Variants in TMEM132C observed in about 807,000 individuals in gnomAD.
The protein encoded by TMEM132C is transmembrane protein 132C, also known as protein phosphatase 1, regulatory subunit 152.
In TMEM132C, 29 loss-of-function variants were observed where a neutral mutation model predicts 61.4. That is an observed-to-expected ratio of 0.47 (90% CI 0.35 to 0.64). The LOEUF is 0.64. TMEM132C is among the 30% of genes least tolerant of loss of function. TMEM132C has a pLI of 0.00. For synonymous variants in TMEM132C, 656 were observed against 633.1 expected (o/e 1.04, Z -0.54); for missense variants, 1,408 against 1,476.9 (o/e 0.95, Z 0.76).
intron 2 of TMEM132C, among the ~76,000 whole-genome samples, chr12:128,496,816 C>G (rs1018153749): frequency 6.6e-6 from 1 of 152,198 alleles, no homozygotes; most frequent in East Asian, 1.9e-4. Flanking sequence ...TTATCTGAAG[C>G]CTTCTTCTCT....
At chr12:128,385,954 T>A (rs968696541) in intron 1 of TMEM132C, among the ~76,000 whole-genome samples, 6 of 152,100 alleles carry the variant, frequency 3.9e-5, no homozygotes, top group Admixed American at 1.3e-4. Context: ...AGGCTACCTC[T>A]TGATCACAGT....
rs1414102453 is a variant in TMEM132C, at chr12:128,474,342, A to G, written c.974+58722A>G. ...CATGCTGGGCCCACCATTTGCAGGA[A>G]GTCTATGTTCCTGGATAGGCAGTAC... On this transcript the variant is annotated intron_variant, in intron 2 of 8. Coordinates refer to ENST00000435159, the MANE Select transcript of TMEM132C (RefSeq NM_001136103.3). Among the ~76,000 whole-genome samples the G allele has an allele frequency of 3.3e-5, 5 of 152,276 alleles. No homozygotes were observed. In the East Asian group the frequency reaches 9.7e-4, roughly 29 times the overall value.
intron 1 of TMEM132C, among the ~76,000 whole-genome samples, chr12:128,338,543 G>A (rs974734612): frequency 2.0e-5 from 3 of 152,202 alleles, no homozygotes; most frequent in Admixed American, 2.0e-4. Flanking sequence ...CGTGTCGCAT[G>A]CCAAGGACAG....
intron 1 of TMEM132C, among the ~76,000 whole-genome samples, chr12:128,279,719 A>G (rs1248798926): frequency 1.3e-5 from 2 of 152,124 alleles, no homozygotes; most frequent in Admixed American, 6.5e-5. Flanking sequence ...GCACCTCCTC[A>G]TGGAAGTCTC....
At chr12:128,553,820 T>A (rs1874248342) in intron 3 of TMEM132C, among the ~76,000 whole-genome samples, 1 of 152,084 alleles carries the variant, frequency 6.6e-6, no homozygotes, top group Non-Finnish European at 1.5e-5. Flanking sequence ...GGGAACAAAG[T>A]CAAAAGCTGG....
chr12:128,469,640 T>C (rs576513495), intron 2 of TMEM132C, among the ~76,000 whole-genome samples: 2 of 146,598 alleles, frequency 1.4e-5, no homozygotes, highest in Admixed American at 1.4e-4. Context: ...GTGTGTGTGT[T>C]TGTGTGTGTG....
intron 1 of TMEM132C, among the ~76,000 whole-genome samples, chr12:128,368,380 C>G (rs893573540): frequency 6.6e-6 from 1 of 152,222 alleles, no homozygotes; most frequent in African/African-American, 2.4e-5. Context: ...TCCAGTCTAG[C>G]TCCGAAAAGG....
In TMEM132C at chr12:128,395,197, AATATAT is replaced by A. The variant is rs1250620709; in HGVS notation, c.86-19533_86-19528del. On this transcript the variant is annotated intron_variant, in intron 1 of 8. Transcript: ENST00000435159. ...CAGAATACTAAATCATATTTAATTA[AATATAT>A]AGTTCATTCATTTTAATATATTAAA... is the stretch of plus-strand genomic sequence containing the variant. Among the ~76,000 whole-genome samples, 14 of 150,336 alleles carry A rather than the reference AATATAT, an allele frequency of 9.3e-5. No individual in the cohort carries two copies. The Middle Eastern group carries it at 0.011, about 115-fold the overall frequency.
intron 2 of TMEM132C, among the ~76,000 whole-genome samples, chr12:128,417,903 G>T (rs968879422): frequency 6.6e-6 from 1 of 152,138 alleles, no homozygotes; most frequent in Admixed American, 6.5e-5. Flanking sequence ...CAGTGTCTTT[G>T]TATAATGACA....
Position 128,568,232 on chromosome 12 carries a change from C to T in TMEM132C, c.1121+24129C>T, listed in dbSNP as rs187048047. On this transcript the variant is annotated intron_variant, in intron 3 of 8. Transcript: ENST00000435159. ...AGTTCTCTCTTACTTACAGACCAAA[C>T]GCTTTTCATGGTGCCCCTTAATGAT... Among the ~76,000 whole-genome samples, 10 of 152,296 alleles carry T rather than the reference C, an allele frequency of 6.6e-5. No homozygotes were observed. The East Asian group carries it at 9.6e-4, about 15-fold the overall frequency.
intron 2 of TMEM132C, among the ~76,000 whole-genome samples, chr12:128,427,456 T>G (rs1869233696): frequency 6.8e-6 from 1 of 147,178 alleles, no homozygotes; most frequent in Non-Finnish European, 1.5e-5. Flanking sequence ...GGTGGTGGCC[T>G]GGAAGTGGGG....
At chr12:128,292,954 ATG>A (rs1491215745) in intron 1 of TMEM132C, among the ~76,000 whole-genome samples, 1 of 85,062 alleles carries the variant, frequency 1.2e-5, no homozygotes. Context: ...AGGTATGTGT[ATG>A]TGTGTGTGTG....
At chr12:128,544,472 T>G (rs991700963) in intron 3 of TMEM132C, among the ~76,000 whole-genome samples, 11 of 152,242 alleles carry the variant, frequency 7.2e-5, no homozygotes, top group Non-Finnish European at 1.3e-4. Flanking sequence ...AGATTGAGTT[T>G]TCAGTGAGAA....
rs73428441 is a variant in TMEM132C, at chr12:128,618,645, G to T, written c.1305+2310G>T. Among the ~76,000 whole-genome samples the T allele has an allele frequency of 5.8e-3, 878 of 152,284 alleles. 6 individuals carry two copies. The highest frequency in any genetic ancestry group is 0.015 in the African/African-American group (644 of 41,554). On this transcript the variant is annotated intron_variant, in intron 4 of 8. Coordinates refer to ENST00000435159, the MANE Select transcript of TMEM132C (RefSeq NM_001136103.3). ...ATACTGTTCTCATGAATGTGAATAAGTCTCAAAAGATCTAGTGCTTTTATA... is the reference window on the plus strand; with the variant it reads ...ATACTGTTCTCATGAATGTGAATAATTCTCAAAAGATCTAGTGCTTTTATA...
chr12:128,547,269 C>T (rs1385561945), intron 3 of TMEM132C, among the ~76,000 whole-genome samples: 1 of 152,096 alleles, frequency 6.6e-6, no homozygotes, highest in African/African-American at 2.4e-5. Flanking sequence ...TGGCTGCTTG[C>T]AGGAGCCTCT....
chr12:128,376,731 T>C (rs544012197), intron 1 of TMEM132C, among the ~76,000 whole-genome samples: 38 of 152,314 alleles, frequency 2.5e-4, no homozygotes, highest in South Asian at 6.2e-4. Context: ...TCACTTTGTA[T>C]TTAGGAACAG....
chr12:128,687,559 C>T (rs1330649143), intron 5 of TMEM132C, among the ~76,000 whole-genome samples: 1 of 152,196 alleles, frequency 6.6e-6, no homozygotes, highest in African/African-American at 2.4e-5. Context: ...GCAAAGAGAA[C>T]AGCACGTGCA....
In TMEM132C at chr12:128,696,062, C is replaced by A; in HGVS notation, c.1888C>A (p.Arg630=). The A allele has an allele frequency of 1.3e-6, 2 of 1,551,700 alleles. No individual in the cohort carries two copies. Among genetic ancestry groups the A allele is most frequent in the Non-Finnish European group, 1.7e-6 (2 of 1,146,986 alleles). The part of the protein sequence containing the change: ...EPHVATLQDS[R]VLVGREVGMT... ...TCACGTGGCCACCCTCCAGGACAGC[C>A]GGGTCCTGGTTGGGCGAGAGGTTGG... Residue 630 remains arginine, a synonymous_variant, in exon 7 of 9, where the codon CGG becomes AGG. Transcript: ENST00000435159.
At chr12:128,503,578 C>T (rs1269600067) in intron 2 of TMEM132C, among the ~76,000 whole-genome samples, 1 of 152,204 alleles carries the variant, frequency 6.6e-6, no homozygotes, top group African/African-American at 2.4e-5. Context: ...TAGATTGGTT[C>T]ACAAAAACAA....
Sources: gnomAD v4.1 joint callset for allele counts (sites outside exome capture counted in the v4.1 genomes callset) on GRCh38, gnomAD v4.1.1 for gene constraint, MANE v1.5 for transcripts, NCBI Gene and HGNC (gene_info 2026-07-23, HGNC 2026-07-21) for gene names.